CLYBL: variants seen among roughly 807,000 people sequenced by gnomAD.
CLYBL encodes the protein citramalyl-CoA lyase, mitochondrial.
CLYBL carries 31 observed loss-of-function variants against 38.9 expected under a neutral mutation model. The ratio of observed to expected loss-of-function variants is 0.80; its 90% CI spans 0.60 to 1.08. The LOEUF is 1.08. Ranked by LOEUF, CLYBL falls within the 50% of genes least tolerant of loss-of-function variation. The pLI, the probability that CLYBL is intolerant of heterozygous loss-of-function variation, is 0.00. For missense variants in CLYBL, 434 were observed against 411.6 expected (o/e 1.05, Z -0.47); for synonymous variants, 171 against 158.6 (o/e 1.08, Z -0.59).
intron 9 of CLYBL, among the ~76,000 whole-genome samples, chr13:99,905,759 T>G (rs1211197252): frequency 4.0e-5 from 6 of 149,542 alleles, no homozygotes; most frequent in East Asian, 2.0e-4. Flanking sequence ...TTGTTGTTGT[T>G]GTGGTGGTGG....
intron 2 of CLYBL, among the ~76,000 whole-genome samples, chr13:99,851,890 T>A (rs1000494651): frequency 1.3e-5 from 2 of 152,188 alleles, no homozygotes; most frequent in Non-Finnish European, 2.9e-5. Flanking sequence ...AAAACCTGTA[T>A]TGAATGTCCA....
At chr13:99,702,686 G>A (rs138436959) in intron 1 of CLYBL, among the ~76,000 whole-genome samples, 28 of 151,910 alleles carry the variant, frequency 1.8e-4, no homozygotes, top group African/African-American at 6.3e-4. Context: ...AGAATGCTCT[G>A]CAAGTTCAAA....
At chr13:99,771,020 CTTTTTT>C (rs546998940) in intron 1 of CLYBL, among the ~76,000 whole-genome samples, 10 of 120,234 alleles carry the variant, frequency 8.3e-5, no homozygotes, top group African/African-American at 3.3e-4. Flanking sequence ...ACGCGGGGCC[CTTTTTT>C]TTTTTTTTTT....
chr13:99,735,607 GA>G (rs1479259055), intron 1 of CLYBL, among the ~76,000 whole-genome samples: 5 of 152,006 alleles, frequency 3.3e-5, no homozygotes, highest in Non-Finnish European at 7.3e-5. Flanking sequence ...GTACAGTTGT[GA>G]AATGTGGTAT....
At chr13:99,714,133 T>C (rs902673151) in intron 1 of CLYBL, among the ~76,000 whole-genome samples, 4 of 152,198 alleles carry the variant, frequency 2.6e-5, no homozygotes, top group African/African-American at 9.7e-5. Context: ...ATAAATGATA[T>C]TTTATTCCTG....
rs1566329341 is a variant in CLYBL at position 99,793,069 on chromosome 13, A to AC, written c.249+20059_249+20060insC. Among the ~76,000 whole-genome samples the AC allele has an allele frequency of 1.5e-4, 18 of 123,300 alleles. No homozygotes were observed. In the East Asian group the frequency reaches 5.2e-3, roughly 36 times the overall value. The allele number at this position is 123,300 out of a possible 152,430, so 80.9% of individuals were successfully genotyped here. ...ACACACACACACACACACACACACAAAGTACGTAGACCTTAAAGCCCCATT... is the reference window on the plus strand; with the variant it reads ...ACACACACACACACACACACACACAACAGTACGTAGACCTTAAAGCCCCATT... On this transcript the variant is annotated intron_variant, in intron 2 of 8. Coordinates refer to ENST00000339105, the MANE Select transcript of CLYBL (RefSeq NM_206808.5).
intron 1 of CLYBL, among the ~76,000 whole-genome samples, chr13:99,702,156 T>A (rs988124716): frequency 1.3e-5 from 2 of 152,064 alleles, no homozygotes; most frequent in Admixed American, 1.3e-4. Flanking sequence ...GTGGCCCAGG[T>A]GTAGTGCAGT....
At chr13:99,656,745 T>C (rs963448394) in intron 1 of CLYBL, among the ~76,000 whole-genome samples, 1 of 152,232 alleles carries the variant, frequency 6.6e-6, no homozygotes, top group Non-Finnish European at 1.5e-5. Context: ...TTCAAAATTA[T>C]GGGTTGGTAA....
At position 99,716,169 on chromosome 13, in the gene CLYBL, A is replaced by ATTTTT. The variant is rs4001024; in HGVS notation, c.63-56621_63-56617dup. Among the ~76,000 whole-genome samples the ATTTTT allele has an allele frequency of 6.7e-3, 223 of 33,462 alleles. 78 individuals carry two copies. Among genetic ancestry groups the ATTTTT allele is most frequent in the East Asian group, 0.012 (14 of 1,122 alleles). 22.0% of individuals were successfully genotyped at this position (33,462 alleles called of 152,430 possible). A position where few individuals can be genotyped will look rare whatever the true frequency, so the allele number is the denominator to read the frequency against. ...AAATTGTCCTTGCTTTATTGGTGTA[A>ATTTTT]TTTTTTTTTTTTTTTTTTTTTTTTT... On this transcript the variant is annotated intron_variant, in intron 1 of 8. Coordinates refer to ENST00000339105, the MANE Select transcript of CLYBL (RefSeq NM_206808.5).
intron 2 of CLYBL, among the ~76,000 whole-genome samples, chr13:99,846,937 G>A (rs1295068022): frequency 6.6e-6 from 1 of 152,094 alleles, no homozygotes; most frequent in Non-Finnish European, 1.5e-5. Flanking sequence ...TGATGGGCAG[G>A]GAAATAAGTG....
intron 2 of CLYBL, among the ~76,000 whole-genome samples, chr13:99,781,284 C>T (rs1431205994): frequency 6.6e-6 from 1 of 151,964 alleles, no homozygotes; most frequent in Non-Finnish European, 1.5e-5. Context: ...CATTCTCCTG[C>T]CTCAGCCTCC....
At chr13:99,693,436 T>A (rs1296560065) in intron 1 of CLYBL, among the ~76,000 whole-genome samples, 1 of 151,924 alleles carries the variant, frequency 6.6e-6, no homozygotes, top group Non-Finnish European at 1.5e-5. Context: ...TTATCAGGAA[T>A]GGAGGCAGCT....
At chr13:99,724,009 C>T (rs2048432046) in intron 1 of CLYBL, among the ~76,000 whole-genome samples, 2 of 152,198 alleles carry the variant, frequency 1.3e-5, no homozygotes, top group Admixed American at 6.5e-5. Context: ...CTTTTTGCTG[C>T]AATGAGTTGT....
chr13:99,772,950 A>G lies in CLYBL; in HGVS notation c.189A>G (p.Pro63=). ...GNDEKKIKKI[P]SLNVDCAVLD... Reference sequence around the variant, plus strand: ...ATGAAAAGAAAATAAAGAAGATTCCATCCCTGAATGTAGATTGTGCAGTGC... The same window carrying G: ...ATGAAAAGAAAATAAAGAAGATTCCGTCCCTGAATGTAGATTGTGCAGTGC... Residue 63 remains proline, a synonymous_variant, in exon 2 of 9, where the codon CCA becomes CCG. Transcript: ENST00000339105. 2 of 1,613,834 alleles carry G rather than the reference A, an allele frequency of 1.2e-6. No individual in the cohort carries two copies. The highest frequency in any genetic ancestry group is 2.7e-5 in the African/African-American group (2 of 75,032).
chr13:99,726,861 A>C (rs960184419), intron 1 of CLYBL, among the ~76,000 whole-genome samples: 5 of 152,170 alleles, frequency 3.3e-5, no homozygotes, highest in Admixed American at 3.3e-4. Context: ...AAGGATGTAC[A>C]TCAGAACCTG....
chr13:99,844,679 C>T (rs1458020055), intron 2 of CLYBL, among the ~76,000 whole-genome samples: 3 of 152,260 alleles, frequency 2.0e-5, no homozygotes, highest in African/African-American at 4.8e-5. Context: ...GTCTCAGCTT[C>T]GGGCCTGCCC....
chr13:99,851,434 T>C (rs554322848), intron 2 of CLYBL, among the ~76,000 whole-genome samples: 109 of 150,942 alleles, frequency 7.2e-4, no homozygotes, highest in African/African-American at 2.5e-3. Context: ...GCATAAGTAA[T>C]TGGTGCCACA....
intron 2 of CLYBL, among the ~76,000 whole-genome samples, chr13:99,828,027 C>T (rs1255080190): frequency 1.3e-5 from 2 of 152,214 alleles, no homozygotes; most frequent in Non-Finnish European, 2.9e-5. Context: ...TGAAATGCCC[C>T]TCCTGAGGGG....
chr13:99,862,487 A>AT (rs1409737956), intron 3 of CLYBL, among the ~76,000 whole-genome samples: 1 of 151,768 alleles, frequency 6.6e-6, no homozygotes. Flanking sequence ...TAAGCTAAAA[A>AT]ATTATGAAGA....
Sources: allele counts gnomAD v4.1 joint callset (sites outside exome capture counted in the v4.1 genomes callset), GRCh38; gene constraint gnomAD v4.1.1; transcripts MANE v1.5; gene names NCBI Gene and HGNC (gene_info 2026-07-23, HGNC 2026-07-21).